PPA2: variants seen among roughly 807,000 people sequenced by gnomAD.
PPA2 encodes the protein inorganic pyrophosphatase 2.
PPA2 carries 48 observed loss-of-function variants against 49.5 expected under a neutral mutation model. That is an observed-to-expected ratio of 0.97 (90% CI 0.77 to 1.23). The LOEUF (loss-of-function observed/expected upper bound fraction) is 1.23. PPA2 is among the 50% of genes most tolerant of loss of function. The pLI, the probability that PPA2 is intolerant of heterozygous loss-of-function variation, is 0.00. For missense variants in PPA2, 429 were observed against 410.1 expected (o/e 1.05, Z -0.40); for synonymous variants, 131 against 139.9 (o/e 0.94, Z 0.45).
At chr4:105,387,952 C>T (rs1356298392) in intron 9 of PPA2, among the ~76,000 whole-genome samples, 6 of 151,182 alleles carry the variant, frequency 4.0e-5, no homozygotes, top group Non-Finnish European at 8.8e-5. Context: ...GAAGAAACTA[C>T]GATATACAAA....
At chr4:105,420,274 ATTAT>A (rs1024973008) in intron 7 of PPA2, among the ~76,000 whole-genome samples, 7 of 151,954 alleles carry the variant, frequency 4.6e-5, no homozygotes, top group Non-Finnish European at 5.9e-5. Flanking sequence ...TATAATTTTT[ATTAT>A]TTATTTATTT....
intron 1 of PPA2, chr4:105,473,519 A>G (rs552379289): frequency 3.7e-5 from 18 of 480,508 alleles, no homozygotes; most frequent in Admixed American, 3.4e-4. Flanking sequence ...TCCCTTCCTC[A>G]CTGAGTTGTG....
intron 6 of PPA2, among the ~76,000 whole-genome samples, chr4:105,429,337 G>C (rs1368119478): frequency 6.6e-6 from 1 of 152,166 alleles, no homozygotes; most frequent in African/African-American, 2.4e-5. Context: ...GTATCTTACA[G>C]TGGCAACACT....
rs992521187 is a variant in PPA2, at chr4:105,438,634, C to A, written c.442-598G>T. 6.6e-5 allele frequency among the ~76,000 whole-genome samples: 10 copies of A among 152,234 alleles called. No individual in the cohort carries two copies. In the South Asian group the frequency reaches 2.1e-3, roughly 32 times the overall value. On this transcript the variant is annotated intron_variant, in intron 5 of 11. Coordinates refer to ENST00000341695, the MANE Select transcript of PPA2 (RefSeq NM_176869.3). ...TCTTTAGTTTACTGGCAAGATTATACCCTGTTGGTTACAAAATATACACAT... is the reference window on the plus strand; with the variant it reads ...TCTTTAGTTTACTGGCAAGATTATAACCTGTTGGTTACAAAATATACACAT...
At chr4:105,433,157 T>C (rs1723891759) in intron 6 of PPA2, among the ~76,000 whole-genome samples, 1 of 152,096 alleles carries the variant, frequency 6.6e-6, no homozygotes, top group African/African-American at 2.4e-5. Context: ...AGAAGTTTTT[T>C]TTGAAAAGTA....
chr4:105,463,086 G>A (rs1402732708), intron 1 of PPA2, among the ~76,000 whole-genome samples: 1 of 152,212 alleles, frequency 6.6e-6, no homozygotes, highest in African/African-American at 2.4e-5. Context: ...GGCAGAGTTT[G>A]GAACAGTCTG....
intron 3 of PPA2, among the ~76,000 whole-genome samples, chr4:105,451,061 C>T (rs1722658713): frequency 6.6e-6 from 1 of 152,006 alleles, no homozygotes; most frequent in South Asian, 2.1e-4. Flanking sequence ...ACATCAATAC[C>T]ACCTCACCAG....
At chr4:105,453,493 G>T in intron 3 of PPA2, 105 bp downstream of exon 3, 1 of 795,042 alleles carries the variant, frequency 1.3e-6, no homozygotes, top group Non-Finnish European at 1.9e-6. Context: ...TGAAAGTCTT[G>T]CAGGGGTAAA....
In PPA2 at chr4:105,399,091, T is replaced by A; in HGVS notation, c.729A>T (p.Val243=). 1.2e-6 allele frequency: 2 copies of A among 1,611,260 alleles called. No individual in the cohort carries two copies. Among genetic ancestry groups the A allele is most frequent in the East Asian group, 4.5e-5 (2 of 44,834 alleles). Residue 243 remains valine, a synonymous_variant, in exon 8 of 12, where the codon GTA becomes GTT. Transcript: ENST00000341695. ...ATLNWFRLYK[V]PDGKPENQFA... ...ACTGGTTTTCTGGTTTTCCATCTGG[T>A]ACCTTATATAATCTAAACCAATTAA...
At chr4:105,449,684 C>G (rs1247825228) in intron 3 of PPA2, among the ~76,000 whole-genome samples, 2 of 152,074 alleles carry the variant, frequency 1.3e-5, no homozygotes, top group Non-Finnish European at 2.9e-5. Context: ...AGAATGGAGT[C>G]AAGAAATGTG....
chr4:105,379,770 A>C (rs1316127633), intron 10 of PPA2, among the ~76,000 whole-genome samples: 1 of 151,198 alleles, frequency 6.6e-6, no homozygotes, highest in Non-Finnish European at 1.5e-5. Flanking sequence ...AGTAGCTGGG[A>C]TTACAGGTGT....
intron 10 of PPA2, among the ~76,000 whole-genome samples, chr4:105,372,111 C>T: frequency 6.6e-6 from 1 of 152,136 alleles, no homozygotes; most frequent in East Asian, 1.9e-4. Flanking sequence ...CTACACAGGC[C>T]CCAGAAACAG....
chr4:105,420,244 G>A (rs1232217613), intron 7 of PPA2, among the ~76,000 whole-genome samples: 3 of 151,968 alleles, frequency 2.0e-5, no homozygotes, highest in Non-Finnish European at 4.4e-5. Context: ...TCTAAAGATA[G>A]TAGAAACTAA....
chr4:105,408,456 G>T (rs2713873), intron 7 of PPA2, among the ~76,000 whole-genome samples: 1 of 151,958 alleles, frequency 6.6e-6, no homozygotes, highest in Non-Finnish European at 1.5e-5. Flanking sequence ...GTGGGAGATA[G>T]ATTTTTGTGT....
At chr4:105,394,394 A>AG (rs1263589223) in intron 9 of PPA2, among the ~76,000 whole-genome samples, 1 of 120,632 alleles carries the variant, frequency 8.3e-6, no homozygotes, top group African/African-American at 2.5e-5. Context: ...AAAAAAAGAA[A>AG]GAAAAAAAAA....
intron 8 of PPA2, 44 bp downstream of exon 8, chr4:105,398,985 TATTGTACA>T: frequency 1.3e-6 from 2 of 1,561,550 alleles, no homozygotes. Flanking sequence ...GTGAAACGAA[TATTGTACA>T]GGTATCAGGA....
intron 9 of PPA2, among the ~76,000 whole-genome samples, chr4:105,388,549 G>T (rs1733771875): frequency 6.6e-6 from 1 of 152,116 alleles, no homozygotes. Flanking sequence ...GAGCGGTTGG[G>T]TGCAGTGGCT....
At chr4:105,380,569 G>C (rs72962273) in intron 10 of PPA2, among the ~76,000 whole-genome samples, 1 of 152,042 alleles carries the variant, frequency 6.6e-6, no homozygotes, top group Non-Finnish European at 1.5e-5. Context: ...ATTTAGAAGA[G>C]TTAATATTGT....
chr4:105,381,875 CTT>C (rs1578798165), intron 10 of PPA2, among the ~76,000 whole-genome samples: 1 of 151,904 alleles, frequency 6.6e-6, no homozygotes, highest in African/African-American at 2.4e-5. Flanking sequence ...TTACTCTACT[CTT>C]TATAATTTTC....
Sources: allele counts gnomAD v4.1 joint callset (sites outside exome capture counted in the v4.1 genomes callset), GRCh38; gene constraint gnomAD v4.1.1; transcripts MANE v1.5; gene names NCBI Gene and HGNC (gene_info 2026-07-23, HGNC 2026-07-21).